The following DCC variants were observed in gnomAD, a reference collection of about 807,000 sequenced individuals.
The protein encoded by DCC is DCC netrin 1 receptor, also known as netrin receptor DCC.
DCC carries 58 observed loss-of-function variants against 172.5 expected under a neutral mutation model. The observed-to-expected ratio is 0.34, with a 90% confidence interval of 0.27 to 0.42. The LOEUF is 0.42. DCC is among the 10% of genes least tolerant of loss of function. DCC has a pLI of 1.00. For synonymous variants in DCC, 709 were observed against 644.5 expected, an observed-to-expected ratio of 1.10 and a Z score of -1.52; for missense variants, 1,740 against 1,791.0, an observed-to-expected ratio of 0.97 and a Z score of 0.51.
At chr18:52,535,662 C>T (rs954664992) in intron 1 of DCC, among the ~76,000 whole-genome samples, 2 of 151,970 alleles carry the variant, frequency 1.3e-5, no homozygotes, top group Non-Finnish European at 2.9e-5. Context: ...TTTTGCAAAA[C>T]ACTAAAATAA....
intron 1 of DCC, among the ~76,000 whole-genome samples, chr18:52,368,354 G>A (rs115150824): frequency 2.4e-4 from 36 of 152,120 alleles, no homozygotes; most frequent in African/African-American, 8.2e-4. Flanking sequence ...GGGGCTGGAG[G>A]CTATTTGGGA....
At chr18:52,987,974 C>T (rs1172528176) in intron 5 of DCC, among the ~76,000 whole-genome samples, 2 of 152,194 alleles carry the variant, frequency 1.3e-5, no homozygotes, top group Non-Finnish European at 2.9e-5. Context: ...AACAGCAAAG[C>T]TGCCAATATT....
intron 7 of DCC, among the ~76,000 whole-genome samples, chr18:53,080,762 T>C (rs1015392513): frequency 6.6e-6 from 1 of 152,132 alleles, no homozygotes; most frequent in African/African-American, 2.4e-5. Context: ...GTTAGCAGTT[T>C]GCATTTGAAT....
intron 12 of DCC, among the ~76,000 whole-genome samples, chr18:53,267,329 G>A (rs2056691504): frequency 6.6e-6 from 1 of 152,002 alleles, no homozygotes; most frequent in Non-Finnish European, 1.5e-5. Flanking sequence ...TGGGATTATA[G>A]GTATCTGCCA....
chr18:52,685,386 G>T (rs2035814694), intron 1 of DCC, among the ~76,000 whole-genome samples: 1 of 152,138 alleles, frequency 6.6e-6, no homozygotes, highest in Non-Finnish European at 1.5e-5. Flanking sequence ...TGGGTGGAAT[G>T]ACAGTCATAT....
intron 1 of DCC, among the ~76,000 whole-genome samples, chr18:52,688,147 T>A (rs1185024155): frequency 6.6e-6 from 1 of 152,014 alleles, no homozygotes; most frequent in South Asian, 2.1e-4. Context: ...TTTTGGTATA[T>A]TGTATAATTA....
chr18:53,154,920 G>A (rs868556760), intron 7 of DCC, among the ~76,000 whole-genome samples: 19 of 152,162 alleles, frequency 1.2e-4, no homozygotes, highest in Middle Eastern at 3.4e-3. Context: ...AGAGAGATAC[G>A]CCATCCCCAG....
At chr18:52,565,988 T>A (rs2033151291) in intron 1 of DCC, among the ~76,000 whole-genome samples, 1 of 152,200 alleles carries the variant, frequency 6.6e-6, no homozygotes, top group Non-Finnish European at 1.5e-5. Flanking sequence ...GTTTAAGTCT[T>A]AAATCCATCT....
At chr18:53,286,202 A>T (rs982870216) in intron 12 of DCC, among the ~76,000 whole-genome samples, 1 of 151,932 alleles carries the variant, frequency 6.6e-6, no homozygotes, top group Non-Finnish European at 1.5e-5. Flanking sequence ...CCGGGGGTGA[A>T]ATGGTGTGGT....
intron 27 of DCC, among the ~76,000 whole-genome samples, chr18:53,525,878 T>C (rs891278127): frequency 1.3e-5 from 2 of 152,132 alleles, no homozygotes; most frequent in Admixed American, 1.3e-4. Context: ...TTATGAAAGT[T>C]TTATTTTCAG....
intron 5 of DCC, among the ~76,000 whole-genome samples, chr18:52,929,253 C>A (rs1006570860): frequency 1.3e-5 from 2 of 152,070 alleles, no homozygotes; most frequent in African/African-American, 4.8e-5. Context: ...AGGGGGGATC[C>A]AGATCCAAAT....
At chr18:53,362,871 C>T (rs2057962723) in intron 15 of DCC, among the ~76,000 whole-genome samples, 1 of 152,064 alleles carries the variant, frequency 6.6e-6, no homozygotes, top group African/African-American at 2.4e-5. Context: ...TTAATACATG[C>T]ATTATGAACA....
At chr18:53,308,015 A>G (rs1458843037) in intron 13 of DCC, among the ~76,000 whole-genome samples, 2 of 148,406 alleles carry the variant, frequency 1.3e-5, no homozygotes, top group Admixed American at 6.8e-5. Flanking sequence ...TTTTCTTTTC[A>G]TAAAGATATG....
intron 1 of DCC, among the ~76,000 whole-genome samples, chr18:52,747,281 T>G (rs1412589100): frequency 6.6e-6 from 1 of 152,176 alleles, no homozygotes; most frequent in Non-Finnish European, 1.5e-5. Context: ...ATGGCAGAGT[T>G]CAAAGGATTT....
In DCC at chr18:52,752,256, G is replaced by T; in HGVS notation, c.294G>T (p.Leu98=). ...RKQQLSNGSL[L]IQNILHSRHH... ...AGCAACTTTCAAATGGGTCTCTGCT[G>T]ATACAAAACATACTTCATTCCAGAC... Residue 98 remains leucine (L), a synonymous_variant, in exon 2 of 29, where the codon CTG becomes CTT. Coordinates refer to ENST00000442544, the MANE Select transcript of DCC (RefSeq NM_005215.4). 1.2e-6 allele frequency: 2 copies of T among 1,614,166 alleles called. No individual in the cohort carries two copies. Among genetic ancestry groups the T allele is most frequent in the Non-Finnish European group, 1.7e-6 (2 of 1,180,030 alleles).
At chr18:53,372,468 G>T (rs1192442269) in intron 15 of DCC, among the ~76,000 whole-genome samples, 1 of 151,946 alleles carries the variant, frequency 6.6e-6, no homozygotes, top group Non-Finnish European at 1.5e-5. Context: ...AGGGTAAAGG[G>T]TAGGGGGAGG....
intron 1 of DCC, among the ~76,000 whole-genome samples, chr18:52,409,719 T>C (rs573196046): frequency 1.3e-5 from 2 of 152,300 alleles, no homozygotes; most frequent in African/African-American, 4.8e-5. Flanking sequence ...AGGGGTGATA[T>C]GAAGTTGCAG....
intron 1 of DCC, among the ~76,000 whole-genome samples, chr18:52,580,327 G>T (rs939651885): frequency 1.3e-5 from 2 of 152,120 alleles, no homozygotes; most frequent in Non-Finnish European, 2.9e-5. Context: ...GCGCGATCTC[G>T]GCTCACTGCA....
chr18:52,515,543 C>A (rs1568207876), intron 1 of DCC, among the ~76,000 whole-genome samples: 1 of 135,488 alleles, frequency 7.4e-6, no homozygotes, highest in Non-Finnish European at 1.5e-5. Flanking sequence ...GGAGGCTGAG[C>A]TTGCAGTGAG....
Sources: gnomAD v4.1 joint callset for allele counts (sites outside exome capture counted in the v4.1 genomes callset) on GRCh38, gnomAD v4.1.1 for gene constraint, MANE v1.5 for transcripts, NCBI Gene and HGNC (gene_info 2026-07-23, HGNC 2026-07-21) for gene names.